Variants in CDK6 observed in about 807,000 individuals in gnomAD.
CDK6 encodes the protein cyclin dependent kinase 6.
A neutral mutation model predicts 37.1 loss-of-function variants in CDK6; 6 were observed. The ratio of observed to expected loss-of-function variants is 0.16; its 90% CI spans 0.09 to 0.32. The LOEUF (loss-of-function observed/expected upper bound fraction) is 0.32. CDK6 is among the 10% of genes least tolerant of loss of function. The pLI is 1.00. For synonymous variants in CDK6, 160 were observed against 161.3 expected (o/e 0.99, Z 0.06); for missense variants, 224 against 418.9 (o/e 0.53, Z 4.06).
At chr7:92,616,862 T>G (rs1048958165) in intron 7 of CDK6, among the ~76,000 whole-genome samples, 5 of 152,096 alleles carry the variant, frequency 3.3e-5, no homozygotes, top group African/African-American at 2.4e-5. Flanking sequence ...GAATCTCACG[T>G]TGGAAGTCTT....
intron 4 of CDK6, among the ~76,000 whole-genome samples, chr7:92,718,995 T>C (rs75741767): frequency 6.6e-6 from 1 of 152,212 alleles, no homozygotes; most frequent in Admixed American, 6.5e-5. Context: ...CTCCATTTCA[T>C]TGATTTTCTC....
At chr7:92,799,907 C>CA (rs1185470983) in intron 2 of CDK6, among the ~76,000 whole-genome samples, 11 of 152,160 alleles carry the variant, frequency 7.2e-5, no homozygotes, top group Admixed American at 2.0e-4. Flanking sequence ...TGTAACTCAA[C>CA]ATGTTCAAAA....
At chr7:92,640,819 C>T (rs531201496) in intron 5 of CDK6, among the ~76,000 whole-genome samples, 86 of 152,268 alleles carry the variant, frequency 5.6e-4, no homozygotes, top group African/African-American at 1.9e-3. Context: ...ATTCCACTTC[C>T]GGGAGTTAGT....
At chr7:92,676,949 T>C (rs1218520596) in intron 4 of CDK6, among the ~76,000 whole-genome samples, 2 of 145,006 alleles carry the variant, frequency 1.4e-5, no homozygotes, top group African/African-American at 5.1e-5. Flanking sequence ...ACAGAGAGAC[T>C]CCGTCTCAAA....
intron 3 of CDK6, among the ~76,000 whole-genome samples, chr7:92,748,387 G>A (rs929816224): frequency 5.3e-5 from 8 of 152,056 alleles, no homozygotes. Context: ...ATCACTTTAG[G>A]CAATTTTGAT....
At chr7:92,793,173 C>A (rs1000191953) in intron 2 of CDK6, among the ~76,000 whole-genome samples, 2 of 152,028 alleles carry the variant, frequency 1.3e-5, no homozygotes, top group African/African-American at 4.8e-5. Context: ...AGGCAATACT[C>A]CCCAAATTGA....
In CDK6 at chr7:92,819,214, A is replaced by G. The variant is rs73416969; in HGVS notation, c.233+13877T>C. On this transcript the variant is annotated intron_variant, in intron 2 of 7. Transcript: ENST00000424848. Reference sequence around the variant, plus strand: ...TAAACAAATTGTGGTAAATCCATATAATGGAAAATGAACTACTCAAACAGT... The same window carrying G: ...TAAACAAATTGTGGTAAATCCATATGATGGAAAATGAACTACTCAAACAGT... Among the ~76,000 whole-genome samples, 817 of 152,232 alleles carry G rather than the reference A, an allele frequency of 5.4e-3. 7 individuals carry two copies. The highest frequency in any genetic ancestry group is 0.018 in the African/African-American group (762 of 41,540).
At chr7:92,768,907 T>G (rs1270511195) in intron 3 of CDK6, among the ~76,000 whole-genome samples, 1 of 152,126 alleles carries the variant, frequency 6.6e-6, no homozygotes, top group Non-Finnish European at 1.5e-5. Context: ...AGAGGGGCCA[T>G]GGCTTGATTC....
At chr7:92,771,690 A>G (rs1799722531) in intron 3 of CDK6, among the ~76,000 whole-genome samples, 1 of 152,196 alleles carries the variant, frequency 6.6e-6, no homozygotes, top group South Asian at 2.1e-4. Context: ...TGAACTGCCT[A>G]GCACAGAACC....
intron 3 of CDK6, among the ~76,000 whole-genome samples, chr7:92,767,685 G>A (rs1349646841): frequency 6.6e-6 from 1 of 151,948 alleles, no homozygotes; most frequent in African/African-American, 2.4e-5. Flanking sequence ...CAGGCTGGCT[G>A]CTTAATTTTT....
intron 5 of CDK6, among the ~76,000 whole-genome samples, chr7:92,651,169 C>T (rs1422350627): frequency 2.0e-5 from 3 of 152,118 alleles, no homozygotes; most frequent in Admixed American, 6.6e-5. Flanking sequence ...GGATTACAGG[C>T]GTAAGCCACG....
chr7:92,650,249 A>G (rs76279985), intron 5 of CDK6, among the ~76,000 whole-genome samples: 394 of 152,196 alleles, frequency 2.6e-3, no homozygotes, highest in Non-Finnish European at 4.6e-3. Flanking sequence ...TAAAACCCCA[A>G]TCCTTTTTGT....
At chr7:92,741,301 G>A (rs750919562) in intron 3 of CDK6, among the ~76,000 whole-genome samples, 18 of 152,144 alleles carry the variant, frequency 1.2e-4, no homozygotes, top group Non-Finnish European at 2.1e-4. Flanking sequence ...GTTTGCATTA[G>A]GATGGCCAGA....
intron 4 of CDK6, among the ~76,000 whole-genome samples, chr7:92,678,628 T>C (rs572960729): frequency 1.3e-5 from 2 of 152,350 alleles, no homozygotes; most frequent in African/African-American, 2.4e-5. Flanking sequence ...TCTTTTATCA[T>C]GTACCCTTTC....
At chr7:92,715,432 A>G (rs1031028296) in intron 4 of CDK6, among the ~76,000 whole-genome samples, 1 of 152,132 alleles carries the variant, frequency 6.6e-6, no homozygotes, top group Non-Finnish European at 1.5e-5. Flanking sequence ...TCTCTTTTGG[A>G]TGTTTCCCTG....
chr7:92,833,406 T>G lies in CDK6; in HGVS notation c.-83A>C, dbSNP rs1801547938. ...TAGCTGGCGGCCGCCGCTCGCCTAC[T>G]CCGGGGCTCCCCGGAGATCGGTCTA... On this transcript the variant is annotated 5_prime_UTR_variant, in exon 2 of 8. Transcript: ENST00000424848. This position sits in a 1 kb window ranked among gnomAD's most constrained non-coding sequence, Gnocchi z 6.1. 1.1e-6 allele frequency: 1 copy of G among 935,274 alleles called. No individual in the cohort carries two copies. Among genetic ancestry groups the G allele is most frequent in the African/African-American group, 1.7e-5 (1 of 58,396 alleles). The allele number at this position is 935,274 out of a possible 1,614,324, so 57.9% of individuals were successfully genotyped here.
At chr7:92,635,173 T>C (rs1796141071) in intron 5 of CDK6, among the ~76,000 whole-genome samples, 1 of 152,142 alleles carries the variant, frequency 6.6e-6, no homozygotes, top group Admixed American at 6.5e-5. Flanking sequence ...TACTTCCTCT[T>C]GGGAAAAAAA....
At position 92,833,263 on chromosome 7, in the gene CDK6, C is replaced by T. The variant is rs1199476203; in HGVS notation, c.61G>A (p.Glu21Lys). ...QQYECVAEIG[E>K]GAYGKVFKAR... ...TTGAACACCTTCCCATAGGCGCCCTCCCCGATCTCCGCCACGCATTCGTAC... is the reference window on the plus strand; with the variant it reads ...TTGAACACCTTCCCATAGGCGCCCTTCCCGATCTCCGCCACGCATTCGTAC... The change falls in exon 2 of 8, where the codon GAG becomes AAG. Residue 21 changes from glutamate to lysine, a missense_variant. By Grantham distance (56) the Glu-to-Lys change is moderately conservative. This residue lies in a region of CDK6 where 13 missense variants were observed against 43.8 expected (regional missense o/e 0.30). Transcript: ENST00000424848. This position sits in a 1 kb window ranked among gnomAD's most constrained non-coding sequence, Gnocchi z 6.1. The T allele has an allele frequency of 6.2e-7, 1 of 1,610,162 alleles. No homozygotes were observed. Among genetic ancestry groups the T allele is most frequent in the Non-Finnish European group, 8.5e-7 (1 of 1,179,070 alleles).
intron 2 of CDK6, among the ~76,000 whole-genome samples, chr7:92,788,912 T>C (rs1327226575): frequency 6.6e-6 from 1 of 151,734 alleles, no homozygotes; most frequent in Admixed American, 6.6e-5. Context: ...AATCTAGGAG[T>C]TTGAGACCTG....
Sources: allele counts gnomAD v4.1 joint callset (sites outside exome capture counted in the v4.1 genomes callset), GRCh38; gene constraint gnomAD v4.1.1; regional missense constraint gnomAD v4.1.1; non-coding constraint Gnocchi (gnomAD v3.1); transcripts MANE v1.5; gene names NCBI Gene and HGNC (gene_info 2026-07-23, HGNC 2026-07-21).